The following CALN1 variants were observed in gnomAD, a reference collection of about 807,000 sequenced individuals.
CALN1 encodes the protein calneuron 1, also known as calcium-binding protein 8.
In CALN1, 17 loss-of-function variants were observed where a neutral mutation model predicts 30.6. The ratio of observed to expected loss-of-function variants is 0.56; its 90% CI spans 0.38 to 0.83. The LOEUF is 0.83. Ranked by LOEUF, CALN1 falls within the 40% of genes least tolerant of loss-of-function variation. The pLI is 0.00. For missense variants in CALN1, 291 were observed against 354.9 expected, an observed-to-expected ratio of 0.82 and a Z score of 1.45; for synonymous variants, 156 against 131.4, an observed-to-expected ratio of 1.19 and a Z score of -1.28.
intron 4 of CALN1, among the ~76,000 whole-genome samples, chr7:72,102,423 CG>C (rs1466486239): frequency 6.6e-6 from 1 of 151,778 alleles, no homozygotes; most frequent in Non-Finnish European, 1.5e-5. Context: ...GCAGCCTGGG[CG>C]TAAGACAGAG....
At chr7:72,285,641 A>G (rs1200974909) in intron 2 of CALN1, among the ~76,000 whole-genome samples, 7 of 152,246 alleles carry the variant, frequency 4.6e-5, no homozygotes, top group African/African-American at 4.8e-5. Flanking sequence ...GCACAGCTCT[A>G]AAGTATTTAA....
intron 4 of CALN1, among the ~76,000 whole-genome samples, chr7:72,027,988 G>A (rs1333269931): frequency 4.0e-5 from 6 of 149,596 alleles, no homozygotes; most frequent in African/African-American, 1.5e-4. Context: ...GAACCCGGGA[G>A]GCGGAGCTTG....
At chr7:71,918,818 G>C (rs1562899338) in intron 5 of CALN1, among the ~76,000 whole-genome samples, 2 of 152,166 alleles carry the variant, frequency 1.3e-5, no homozygotes, top group African/African-American at 4.8e-5. Context: ...TTAAAGCCAT[G>C]TTCAAGTCTT....
At chr7:72,007,243 G>C (rs1030344038) in intron 5 of CALN1, among the ~76,000 whole-genome samples, 2 of 152,206 alleles carry the variant, frequency 1.3e-5, no homozygotes, top group African/African-American at 2.4e-5. Context: ...AGTGATGCTT[G>C]CAACTTCTTA....
At chr7:72,185,695 A>T (rs35188259) in intron 3 of CALN1, among the ~76,000 whole-genome samples, 39,198 of 152,108 alleles carry the variant, frequency 0.26, 6,041 homozygotes, top group Non-Finnish European at 0.35. Flanking sequence ...GTGGGAGATA[A>T]TTGAATCATG....
intron 5 of CALN1, among the ~76,000 whole-genome samples, chr7:71,836,247 G>C (rs1789593179): frequency 2.6e-5 from 4 of 152,140 alleles, no homozygotes; most frequent in Admixed American, 1.3e-4. Flanking sequence ...CTGAATTTGG[G>C]GGTGGCTGCA....
intron 3 of CALN1, among the ~76,000 whole-genome samples, chr7:72,246,994 T>C (rs547423521): frequency 1.3e-5 from 2 of 152,036 alleles, no homozygotes; most frequent in Non-Finnish European, 2.9e-5. Flanking sequence ...CCTCAGGTGA[T>C]CTGCCCGCCT....
intron 5 of CALN1, among the ~76,000 whole-genome samples, chr7:72,017,163 C>CAA (rs1800439944): frequency 2.3e-5 from 2 of 88,876 alleles, no homozygotes; most frequent in Non-Finnish European, 4.0e-5. Flanking sequence ...GACTCTGTCT[C>CAA]AAAAATTAAA....
intron 4 of CALN1, among the ~76,000 whole-genome samples, chr7:72,091,521 A>G (rs899127813): frequency 6.6e-6 from 1 of 152,268 alleles, no homozygotes; most frequent in South Asian, 2.1e-4. Flanking sequence ...ATAAATATGT[A>G]TAACTTATAT....
At chr7:71,873,635 G>T (rs1452470526) in intron 5 of CALN1, among the ~76,000 whole-genome samples, 1 of 152,124 alleles carries the variant, frequency 6.6e-6, no homozygotes, top group Non-Finnish European at 1.5e-5. Flanking sequence ...AAAATCACCT[G>T]CAGTGCTTGT....
chr7:71,902,983 G>A (rs1793941963), intron 5 of CALN1, among the ~76,000 whole-genome samples: 1 of 151,880 alleles, frequency 6.6e-6, no homozygotes, highest in Admixed American at 6.6e-5. Flanking sequence ...GGGTAGGAGG[G>A]TGAGAGGAAG....
At chr7:72,151,973 A>T (rs542106553) in intron 3 of CALN1, among the ~76,000 whole-genome samples, 1 of 141,428 alleles carries the variant, frequency 7.1e-6, no homozygotes, top group Non-Finnish European at 1.5e-5. Context: ...CAGTGGCGTG[A>T]TTTCGGCTCA....
chr7:71,951,500 A>G (rs529728282), intron 5 of CALN1, among the ~76,000 whole-genome samples: 1 of 152,210 alleles, frequency 6.6e-6, no homozygotes, highest in Non-Finnish European at 1.5e-5. Flanking sequence ...CTGAGGCAAG[A>G]GAATCGCTTG....
the CALN1 span, among the ~76,000 whole-genome samples, chr7:72,457,165 T>C: frequency 6.6e-6 from 1 of 152,072 alleles, no homozygotes; most frequent in African/African-American, 2.4e-5. Flanking sequence ...TGTGCCACTA[T>C]GCCCAGCTGA....
At chr7:71,810,187 A>G in intron 6 of CALN1, 149 bp downstream of exon 6, 1 of 776,532 alleles carries the variant, frequency 1.3e-6, no homozygotes, top group Non-Finnish European at 2.0e-6. Flanking sequence ...TCTTAGCAAA[A>G]AAGATCTTTA....
chr7:71,795,423 A>G (rs752708569), intron 6 of CALN1, among the ~76,000 whole-genome samples: 12 of 152,102 alleles, frequency 7.9e-5, no homozygotes, highest in Non-Finnish European at 1.3e-4. Context: ...CCTTGTGTTT[A>G]TTTGTTGTAA....
Position 71,787,871 on chromosome 7 carries a change from G to A in CALN1, c.690C>T (p.Cys230=), listed in dbSNP as rs1262253638. The A allele has an allele frequency of 9.3e-6, 15 of 1,614,016 alleles. No individual in the cohort carries two copies. The highest frequency in any genetic ancestry group is 3.3e-4 in the Middle Eastern group (2 of 6,084). The change falls in exon 7 of 7, where the codon TGC becomes TGT. Residue 230 remains cysteine (C), a synonymous_variant. Transcript: ENST00000395275. The part of the protein sequence containing the change: ...VHSQKQNRQT[C]VRKSLICAFA... ...AGGCGCATATGAGGCTCTTCCGGAC[G>A]CAGGTCTGTCTGTTCTGCTTCTGGG...
At position 72,298,408 on chromosome 7, in the gene CALN1, A is replaced by G. The variant is rs114139549; in HGVS notation, c.120-19598T>C. 1.1e-3 allele frequency among the ~76,000 whole-genome samples: 164 copies of G among 152,320 alleles called. 2 individuals are homozygous for G. Among genetic ancestry groups the G allele is most frequent in the African/African-American group, 3.7e-3 (152 of 41,570 alleles). ...TAAATTGTCTTTTGGAAGTCTGTTA[A>G]TCGTTTTGGCCAACTTCTGTCCAAT... is the stretch of plus-strand genomic sequence containing the variant. On this transcript the variant is annotated intron_variant, in intron 2 of 6. Coordinates refer to ENST00000395275, the MANE Select transcript of CALN1 (RefSeq NM_031468.4).
intron 3 of CALN1, among the ~76,000 whole-genome samples, chr7:72,114,438 C>T (rs567349565): frequency 4.8e-4 from 73 of 151,604 alleles, no homozygotes; most frequent in African/African-American, 1.7e-3. Context: ...CTGGTGATTG[C>T]TTCTAGCGAG....
Sources: allele counts gnomAD v4.1 joint callset (sites outside exome capture counted in the v4.1 genomes callset), GRCh38; gene constraint gnomAD v4.1.1; transcripts MANE v1.5; gene names NCBI Gene and HGNC (gene_info 2026-07-23, HGNC 2026-07-21).